The following SERINC3 variants were observed in gnomAD, a reference collection of about 807,000 sequenced individuals.
SERINC3 encodes tumor differentially expressed protein 1.
In SERINC3, 22 loss-of-function variants were observed where a neutral mutation model predicts 52.1. The observed-to-expected ratio is 0.42, with a 90% CI of 0.30 to 0.60. The LOEUF (loss-of-function observed/expected upper bound fraction) is 0.60. SERINC3 is among the 20% of genes least tolerant of loss of function. The pLI is 0.16. For synonymous variants in SERINC3, 226 were observed against 212.7 expected (o/e 1.06, Z -0.54); for missense variants, 564 against 584.6 (o/e 0.96, Z 0.36).
rs2064256155 is a variant in SERINC3, at chr20:44,497,714, A to G, written c.*2582T>C. On this transcript the variant is annotated 3_prime_UTR_variant, in exon 10 of 10. Transcript: ENST00000342374. ...ACATAAACCACTGGTTTAAAAGACAATGATTCCAATAATTTATATCAAGTC... is the reference window on the plus strand; with the variant it reads ...ACATAAACCACTGGTTTAAAAGACAGTGATTCCAATAATTTATATCAAGTC... 6.6e-6 allele frequency: 1 copy of G among 152,160 alleles called. No homozygotes were observed. The highest frequency in any genetic ancestry group is 1.5e-5 in the Non-Finnish European group (1 of 68,020). 9.4% of individuals were successfully genotyped at this position (152,160 alleles called of 1,614,324 possible).
At position 44,499,675 on chromosome 20, in the gene SERINC3, G is replaced by C. The variant is rs1477347735; in HGVS notation, c.*621C>G. The C allele has an allele frequency of 6.6e-6, 1 of 152,282 alleles. No homozygotes were observed. Among genetic ancestry groups the C allele is most frequent in the Non-Finnish European group, 1.5e-5 (1 of 68,028 alleles). 9.4% of individuals were successfully genotyped at this position (152,282 alleles called of 1,614,324 possible). ...ATACATCTGGCAAAGCACCAGACTT[G>C]AATCAAGCAGTCTCAATGCTACAGT... On this transcript the variant is annotated 3_prime_UTR_variant, in exon 10 of 10. Transcript: ENST00000342374.
chr20:44,500,832 A>G (rs2064274906), intron 9 of SERINC3, among the ~76,000 whole-genome samples: 1 of 152,200 alleles, frequency 6.6e-6, no homozygotes. Flanking sequence ...AAGATGGGTC[A>G]GATTGCTTTA....
At chr20:44,500,500 GC>G (rs1191493765) in intron 9 of SERINC3, 66 bp from the exon 10 acceptor site, 23 of 1,536,936 alleles carry the variant, frequency 1.5e-5, no homozygotes, top group East Asian at 2.4e-5. Context: ...GCCTCCTGCA[GC>G]CCCCCAGCCA....
In SERINC3 at chr20:44,498,384, C is replaced by T. The variant is rs2064259914; in HGVS notation, c.*1912G>A. ...GGTCAGGAGATCGAGACCATCCTGG[C>T]TAACATGGTGAAACCCTGTCTCTAC... On this transcript the variant is annotated 3_prime_UTR_variant, in exon 10 of 10. Transcript: ENST00000342374. The T allele has an allele frequency of 1.3e-5, 2 of 152,132 alleles. No individual in the cohort carries two copies. Among genetic ancestry groups the T allele is most frequent in the African/African-American group, 4.8e-5 (2 of 41,400 alleles). 9.4% of individuals were successfully genotyped at this position (152,132 alleles called of 1,614,324 possible).
In SERINC3 at chr20:44,498,114, G is replaced by A. The variant is rs2064258199; in HGVS notation, c.*2182C>T. 1 of 152,172 alleles carries A rather than the reference G, an allele frequency of 6.6e-6. No homozygotes were observed. The highest frequency in any genetic ancestry group is 1.5e-5 in the Non-Finnish European group (1 of 68,050). The allele number at this position is 152,172 out of a possible 1,614,324, so 9.4% of individuals were successfully genotyped here. ...CAAACCCAAGCAGTCTGACTCCCAA[G>A]CCTCTTAACCATTCTTAAGAGACCA... On this transcript the variant is annotated 3_prime_UTR_variant, in exon 10 of 10. Coordinates refer to ENST00000342374, the MANE Select transcript of SERINC3 (RefSeq NM_006811.4).
At chr20:44,506,800 GGAGA>G (rs1224637345) in intron 6 of SERINC3, 23 bp downstream of exon 6, 4 of 1,492,930 alleles carry the variant, frequency 2.7e-6, no homozygotes, top group Non-Finnish European at 3.6e-6. Flanking sequence ...ACCTTTCACA[GGAGA>G]AAGAAGTAGT....
Position 44,512,971 on chromosome 20 carries a change from T to A in SERINC3, c.225A>T (p.Gly75=). 2.0e-6 allele frequency: 3 copies of A among 1,503,574 alleles called. No individual in the cohort carries two copies. The highest frequency in any genetic ancestry group is 2.6e-6 in the Non-Finnish European group (3 of 1,134,392). The allele number at this position is 1,503,574 out of a possible 1,614,324, so 93.1% of individuals were successfully genotyped here. A position where few individuals can be genotyped will look rare whatever the true frequency, so the allele number is the denominator to read the frequency against. Residue 75 remains glycine, a synonymous_variant, in exon 3 of 10, where the codon GGA becomes GGT. Coordinates refer to ENST00000342374, the MANE Select transcript of SERINC3 (RefSeq NM_006811.4). Reference sequence around the variant, plus strand: ...TTATATCAGCCTCATGGATTTTAAATCCCCCTTCACAAAATCCAGGAATCT... The same window carrying A: ...TTATATCAGCCTCATGGATTTTAAAACCCCCTTCACAAAATCCAGGAATCT... ...LKKIPGFCEG[G]FKIHEADINA...
rs975806849 is a variant in SERINC3 at position 44,508,406 on chromosome 20, T to C, written c.614-1410A>G. Among the ~76,000 whole-genome samples, 33 of 151,004 alleles carry C rather than the reference T, an allele frequency of 2.2e-4. 1 individual carries two copies. The highest frequency in any genetic ancestry group is 7.6e-4 in the African/African-American group (31 of 41,036). On this transcript the variant is annotated intron_variant, in intron 5 of 9. Coordinates refer to ENST00000342374, the MANE Select transcript of SERINC3 (RefSeq NM_006811.4). Reference sequence around the variant, plus strand: ...GTCCCAGCTACTTGGGAGGCTGAGGTGGATAGCTTGAGCCAGGAAGGCAGA... The same window carrying C: ...GTCCCAGCTACTTGGGAGGCTGAGGCGGATAGCTTGAGCCAGGAAGGCAGA...
At chr20:44,520,360 C>T (rs1023993244) in intron 1 of SERINC3, among the ~76,000 whole-genome samples, 32 of 152,000 alleles carry the variant, frequency 2.1e-4, no homozygotes, top group Admixed American at 5.2e-4. Context: ...CAGACCCGTT[C>T]CCTCTACACC....
chr20:44,517,850 T>A (rs1411833720), intron 1 of SERINC3, among the ~76,000 whole-genome samples: 1 of 152,250 alleles, frequency 6.6e-6, no homozygotes, highest in Non-Finnish European at 1.5e-5. Flanking sequence ...TTTGTATCTT[T>A]ACAGAGCAGG....
At position 44,506,843 on chromosome 20, in the gene SERINC3, A is replaced by G; in HGVS notation, c.767T>C (p.Ile256Thr). The change falls in exon 6 of 10, where the codon ATC (isoleucine) becomes ACC (threonine). Residue 256 changes from isoleucine (I) to threonine (T), a missense_variant. By Grantham distance (89) the Ile-to-Thr change is moderately conservative (BLOSUM62 -1). Transcript: ENST00000342374. ...CAATCATACCTGAATTTTTGGGTGG[A>G]TCGATATAATAGAAGCCACAACGCA... ...ILCVVASIIS[I>T]HPKIQEHQPR... is the part of the protein sequence containing the mutation. The G allele has an allele frequency of 6.3e-7, 1 of 1,575,348 alleles. No homozygotes were observed. Among genetic ancestry groups the G allele is most frequent in the South Asian group, 1.2e-5 (1 of 81,782 alleles).
chr20:44,503,756 C>A, intron 8 of SERINC3, 59 bp downstream of exon 8: 1 of 1,345,830 alleles, frequency 7.4e-7, no homozygotes, highest in South Asian at 1.6e-5. Context: ...AGCAAAACAG[C>A]TTCTTCACTT....
At chr20:44,507,179 A>G (rs1875456174) in intron 5 of SERINC3, among the ~76,000 whole-genome samples, 183 bp from the exon 6 acceptor site, 1 of 152,214 alleles carries the variant, frequency 6.6e-6, no homozygotes. Context: ...GCTTGATGTT[A>G]AATTCCAAAA....
At chr20:44,513,040 CAG>C (rs1181972015) in intron 2 of SERINC3, 46 bp from the exon 3 acceptor site, 3 of 1,336,540 alleles carry the variant, frequency 2.2e-6, no homozygotes, top group African/African-American at 3.1e-5. Context: ...TACATTTAGA[CAG>C]AGACTCTAAC....
chr20:44,504,803 G>A lies in SERINC3; in HGVS notation c.872C>T (p.Pro291Leu). Residue 291 changes from proline (P) to leucine (L), a missense_variant and splice_region_variant, in exon 7 of 10, where the codon CCT (proline) becomes CTT (leucine). Coordinates refer to ENST00000342374, the MANE Select transcript of SERINC3 (RefSeq NM_006811.4). ...ATGTGTTATTGACATTCCCTTACCA[G>A]GTTCATTGGACATGGCTGACCAGGT... ...YLTWSAMSNE[P>L]DRSCNPNLMS... The A allele has an allele frequency of 1.2e-6, 2 of 1,604,034 alleles. No individual in the cohort carries two copies. The highest frequency in any genetic ancestry group is 1.3e-5 in the African/African-American group (1 of 74,822).
rs2064270756 is a variant in SERINC3 at position 44,500,274 on chromosome 20, G to A, written c.*22C>T. 1 of 1,605,370 alleles carries A rather than the reference G, an allele frequency of 6.2e-7. No homozygotes were observed. Among genetic ancestry groups the A allele is most frequent in the East Asian group, 2.2e-5 (1 of 44,716 alleles). On this transcript the variant is annotated 3_prime_UTR_variant, in exon 10 of 10. Transcript: ENST00000342374. ...GAAGGAGACCTTTGTGAGTTCCAGT[G>A]GTGTCCTTGGCACTCAGAGGTTCAG...
rs556282892 is a variant in SERINC3, at chr20:44,513,268, G to A, written c.202-274C>T. ...TGGGGGACCGAGGTGGGTGGATCAC[G>A]AGGTCAGGAGTTCGAGACCACCCTG... On this transcript the variant is annotated intron_variant, in intron 2 of 9. Coordinates refer to ENST00000342374, the MANE Select transcript of SERINC3 (RefSeq NM_006811.4). 2.6e-5 allele frequency among the ~76,000 whole-genome samples: 4 copies of A among 152,170 alleles called. No homozygotes were observed. In the East Asian group the frequency reaches 5.8e-4, roughly 22 times the overall value.
In SERINC3 at chr20:44,501,642, C is replaced by CT. The variant is rs545922984; in HGVS notation, c.1056-343dup. Among the ~76,000 whole-genome samples the CT allele has an allele frequency of 1.8e-3, 272 of 152,344 alleles. 1 individual carries two copies. Among genetic ancestry groups the CT allele is most frequent in the African/African-American group, 6.2e-3 (258 of 41,574 alleles). On this transcript the variant is annotated intron_variant, in intron 8 of 9. Coordinates refer to ENST00000342374, the MANE Select transcript of SERINC3 (RefSeq NM_006811.4). ...ACTAACTTACTCATCCTTCACTTCT[C>CT]TGACTTGCTGTCATGTCCTCTGGAA...
intron 5 of SERINC3, 56 bp downstream of exon 5, chr20:44,509,835 T>G: frequency 6.4e-7 from 1 of 1,570,080 alleles, no homozygotes. Context: ...TGATTTTTAT[T>G]GTACACCGTG....
Sources: gnomAD v4.1 joint callset for allele counts (sites outside exome capture counted in the v4.1 genomes callset) on GRCh38, gnomAD v4.1.1 for gene constraint, MANE v1.5 for transcripts, NCBI Gene and HGNC (gene_info 2026-07-23, HGNC 2026-07-21) for gene names.